The following PITPNM3 variants were observed in gnomAD, a reference collection of about 807,000 sequenced individuals.
PITPNM3 encodes the protein membrane-associated phosphatidylinositol transfer protein 3.
Under a neutral mutation model 102.0 loss-of-function variants are expected in PITPNM3, and 26 were observed. The observed-to-expected ratio is 0.25, with a 90% CI of 0.19 to 0.35. PITPNM3 has a LOEUF of 0.35. PITPNM3 is among the 10% of genes least tolerant of loss of function. The pLI is 1.00. For missense variants in PITPNM3, 1,083 were observed against 1,346.1 expected, an observed-to-expected ratio of 0.80 and a Z score of 3.06; for synonymous variants, 578 against 558.6, an observed-to-expected ratio of 1.03 and a Z score of -0.49.
intron 17 of PITPNM3, 57 bp from the exon 18 acceptor site, chr17:6,461,613 C>T (rs1459939884): frequency 2.2e-5 from 35 of 1,578,756 alleles, no homozygotes; most frequent in Admixed American, 5.0e-5. Context: ...ACCTGATGCC[C>T]AGAAGCCTGC....
At chr17:6,480,488 G>A (rs34808092) in intron 6 of PITPNM3, 28,215 of 152,210 alleles carry the variant, frequency 0.19, 2,719 homozygotes, top group Non-Finnish European at 0.19. Context: ...TGGGGAATTC[G>A]GAGTGCGGTG....
intron 2 of PITPNM3, among the ~76,000 whole-genome samples, chr17:6,530,546 T>C (rs888151512): frequency 6.6e-6 from 1 of 151,798 alleles, no homozygotes; most frequent in Non-Finnish European, 1.5e-5. Context: ...ACAAAAGACA[T>C]GGGGGTAAAT....
rs533761473 is a variant in PITPNM3, at chr17:6,529,359, C to G, written c.119-3896G>C. Among the ~76,000 whole-genome samples the G allele has an allele frequency of 2.0e-5, 3 of 152,252 alleles. No homozygotes were observed. The East Asian group carries it at 5.8e-4, about 29-fold the overall frequency. ...CCTGTAATCCCAGCACTTTGTGAGGCTGAGGCGGGCAAATCACAAGGGCAG... is the reference window on the plus strand; with the variant it reads ...CCTGTAATCCCAGCACTTTGTGAGGGTGAGGCGGGCAAATCACAAGGGCAG... On this transcript the variant is annotated intron_variant, in intron 2 of 19. Transcript: ENST00000262483.
At chr17:6,550,687 C>T (rs1910256063) in intron 1 of PITPNM3, among the ~76,000 whole-genome samples, 1 of 152,248 alleles carries the variant, frequency 6.6e-6, no homozygotes, top group Non-Finnish European at 1.5e-5. Context: ...AACATCACAG[C>T]TTCTGGCCAA....
intron 4 of PITPNM3, among the ~76,000 whole-genome samples, chr17:6,489,652 T>G (rs923144739): frequency 3.9e-5 from 6 of 152,080 alleles, no homozygotes; most frequent in Non-Finnish European, 8.8e-5. Flanking sequence ...GAGGCTACTA[T>G]GAGGAGCAGG....
Position 6,478,457 on chromosome 17 carries a change from G to T in PITPNM3, c.777+90C>A. On this transcript the variant is annotated intron_variant, in intron 7 of 19. Transcript: ENST00000262483. This position sits in a 1 kb window ranked among gnomAD's most constrained non-coding sequence, Gnocchi z 4.4. ...TCAGAGGCTGATTCGAGAACAGCCT[G>T]GCCTTGGCCCTTTCAGTAGATTCCA... The T allele has an allele frequency of 1.3e-6, 2 of 1,499,912 alleles. No individual in the cohort carries two copies. The highest frequency in any genetic ancestry group is 9.2e-7 in the Non-Finnish European group (1 of 1,088,244). 92.9% of individuals were successfully genotyped at this position (1,499,912 alleles called of 1,614,324 possible). A position where few individuals can be genotyped will look rare whatever the true frequency, so the allele number is the denominator to read the frequency against.
At chr17:6,530,603 G>A (rs1909091577) in intron 2 of PITPNM3, among the ~76,000 whole-genome samples, 1 of 152,150 alleles carries the variant, frequency 6.6e-6, no homozygotes, top group Non-Finnish European at 1.5e-5. Flanking sequence ...AGTTCCCTTA[G>A]CCCTGCTGAA....
At chr17:6,486,406 C>T (rs945266398) in intron 4 of PITPNM3, among the ~76,000 whole-genome samples, 3 of 152,174 alleles carry the variant, frequency 2.0e-5, no homozygotes, top group Non-Finnish European at 2.9e-5. Context: ...CAACCCTAGG[C>T]ACCCTGTCAA....
In PITPNM3 at chr17:6,537,029, C is replaced by T. The variant is rs1431621448; in HGVS notation, c.118+958G>A. 6.6e-6 allele frequency among the ~76,000 whole-genome samples: 1 copy of T among 152,136 alleles called. No individual in the cohort carries two copies. Among genetic ancestry groups the T allele is most frequent in the Non-Finnish European group, 1.5e-5 (1 of 68,022 alleles). ...CTGTACACCTGCCTGGGTACTCGTG[C>T]CTCTGAGCCTTCAAGGCTGATCTCT... On this transcript the variant is annotated intron_variant, in intron 2 of 19. Coordinates refer to ENST00000262483, the MANE Select transcript of PITPNM3 (RefSeq NM_031220.4). The surrounding 1 kb of genome is among the most constrained non-coding windows in gnomAD (Gnocchi z 4.4).
chr17:6,473,540 T>A (rs1160233752), intron 10 of PITPNM3, among the ~76,000 whole-genome samples: 1 of 152,178 alleles, frequency 6.6e-6, no homozygotes, highest in African/African-American at 2.4e-5. Context: ...AGCATGGATC[T>A]GTGGATACCC....
intron 4 of PITPNM3, among the ~76,000 whole-genome samples, chr17:6,496,308 T>A (rs1245289437): frequency 6.6e-6 from 1 of 151,988 alleles, no homozygotes; most frequent in Admixed American, 6.6e-5. Context: ...TCTCCAGGCT[T>A]CTCTTATCCT....
Position 6,556,062 on chromosome 17 carries a change from G to A in PITPNM3, c.22+323C>T, listed in dbSNP as rs1032697213. Among the ~76,000 whole-genome samples the A allele has an allele frequency of 2.0e-5, 3 of 152,088 alleles. No homozygotes were observed. On this transcript the variant is annotated intron_variant, in intron 1 of 19. Coordinates refer to ENST00000262483, the MANE Select transcript of PITPNM3 (RefSeq NM_031220.4). This position sits in a 1 kb window ranked among gnomAD's most constrained non-coding sequence, Gnocchi z 5.2. ...GACATCCCCTTCGGTGGCGAAGCCC[G>A]GGTCTGCCCGGGGCCTCCGCGGGGT...
intron 3 of PITPNM3, among the ~76,000 whole-genome samples, chr17:6,506,313 G>A (rs1907503322): frequency 1.3e-5 from 2 of 151,356 alleles, no homozygotes; most frequent in Non-Finnish European, 2.9e-5. Context: ...TCTAAAACCT[G>A]TTATGGTGTT....
At chr17:6,513,275 A>G (rs1198529428) in intron 3 of PITPNM3, among the ~76,000 whole-genome samples, 3 of 152,194 alleles carry the variant, frequency 2.0e-5, no homozygotes, top group African/African-American at 7.2e-5. Flanking sequence ...CATCACTTCT[A>G]TTCAATATTA....
At chr17:6,495,720 G>A (rs1484677423) in intron 4 of PITPNM3, among the ~76,000 whole-genome samples, 1 of 151,946 alleles carries the variant, frequency 6.6e-6, no homozygotes, top group Non-Finnish European at 1.5e-5. Flanking sequence ...GGAGTTTTGA[G>A]GCGATGGCAG....
In PITPNM3 at chr17:6,455,030, A is replaced by G. The variant is rs1367653310; in HGVS notation, c.*308T>C. ...GCAGGAGGGTGGTCGACTTTGCCCA[A>G]ACGCTTCAGCCCCGGGCAAGCCTGC... On this transcript the variant is annotated 3_prime_UTR_variant, in exon 20 of 20. Transcript: ENST00000262483. 2 of 411,914 alleles carry G rather than the reference A, an allele frequency of 4.9e-6. No individual in the cohort carries two copies. The highest frequency in any genetic ancestry group is 8.6e-6 in the Non-Finnish European group (2 of 231,506). 25.5% of individuals were successfully genotyped at this position (411,914 alleles called of 1,614,324 possible).
In PITPNM3 at chr17:6,529,462, C is replaced by T. The variant is rs556133774; in HGVS notation, c.119-3999G>A. Among the ~76,000 whole-genome samples the T allele has an allele frequency of 1.2e-4, 18 of 151,944 alleles. No individual in the cohort carries two copies. In the South Asian group the frequency reaches 2.5e-3, roughly 21 times the overall value. On this transcript the variant is annotated intron_variant, in intron 2 of 19. Coordinates refer to ENST00000262483, the MANE Select transcript of PITPNM3 (RefSeq NM_031220.4). The stretch of plus-strand genomic sequence containing the variant: ...ACAAAAAATTAGCTGGGCGTGGGGG[C>T]GGGTGTCTGTAATCCCAGCAACTCA...
Position 6,455,307 on chromosome 17 carries a change from C to G in PITPNM3, c.*31G>C. The G allele has an allele frequency of 6.5e-7, 1 of 1,541,186 alleles. No homozygotes were observed. The highest frequency in any genetic ancestry group is 8.7e-7 in the Non-Finnish European group (1 of 1,147,080). ...CCCCGCAGGCAGCCTGATTGGGCCCCCCGCTCCCTGCTCTGAGCACAGCCC... is the reference window on the plus strand; with the variant it reads ...CCCCGCAGGCAGCCTGATTGGGCCCGCCGCTCCCTGCTCTGAGCACAGCCC... On this transcript the variant is annotated 3_prime_UTR_variant, in exon 20 of 20. Transcript: ENST00000262483.
chr17:6,500,039 T>C (rs1263350976), intron 4 of PITPNM3, among the ~76,000 whole-genome samples: 2 of 152,144 alleles, frequency 1.3e-5, no homozygotes, highest in African/African-American at 2.4e-5. Flanking sequence ...CACGACAGTA[T>C]GGTCATCTTT....
Sources: gnomAD v4.1 joint callset for allele counts (sites outside exome capture counted in the v4.1 genomes callset) on GRCh38, gnomAD v4.1.1 for gene constraint, Gnocchi (gnomAD v3.1) non-coding constraint, MANE v1.5 for transcripts, NCBI Gene and HGNC (gene_info 2026-07-23, HGNC 2026-07-21) for gene names.